Variants in NOL4L observed in about 807,000 individuals in gnomAD.
The protein encoded by NOL4L is nucleolar protein 4-like.
A neutral mutation model predicts 64.5 loss-of-function variants in NOL4L; 7 were observed. That is an observed-to-expected ratio of 0.11 (90% CI 0.06 to 0.20). NOL4L has a LOEUF of 0.20. Among genes scored for constraint, NOL4L ranks in the 10% least tolerant of loss-of-function variants. NOL4L has a pLI of 1.00. For synonymous variants in NOL4L, 413 were observed against 401.0 expected, an observed-to-expected ratio of 1.03 and a Z score of -0.36; for missense variants, 680 against 967.1, an observed-to-expected ratio of 0.70 and a Z score of 3.94.
Position 32,463,974 on chromosome 20 carries a change from G to A in NOL4L, c.842-7579C>T, listed in dbSNP as rs1040213262. Among the ~76,000 whole-genome samples, 2 of 152,296 alleles carry A rather than the reference G, an allele frequency of 1.3e-5. No individual in the cohort carries two copies. Among genetic ancestry groups the A allele is most frequent in the Non-Finnish European group, 1.5e-5 (1 of 68,018 alleles). The stretch of plus-strand genomic sequence containing the variant: ...TCCGTGTCCAGAGGTGTGGCTGCTG[G>A]AGGCAGTGCCGCCTCCATGAGACTC... On this transcript the variant is annotated intron_variant, in intron 5 of 10. Transcript: ENST00000621426. This position sits in a 1 kb window ranked among gnomAD's most constrained non-coding sequence, Gnocchi z 5.8.
At chr20:32,484,076 G>C (rs2015933255) in intron 4 of NOL4L, among the ~76,000 whole-genome samples, 1 of 152,138 alleles carries the variant, frequency 6.6e-6, no homozygotes, top group African/African-American at 2.4e-5. Context: ...GGCTGTCTGC[G>C]GTCAGGCCAG....
At chr20:32,526,748 C>T (rs2018147504) in intron 2 of NOL4L, among the ~76,000 whole-genome samples, 1 of 152,182 alleles carries the variant, frequency 6.6e-6, no homozygotes, top group African/African-American at 2.4e-5. Context: ...TTCTCTGGGT[C>T]CCAGTTTCCT....
intron 4 of NOL4L, among the ~76,000 whole-genome samples, chr20:32,491,299 C>G (rs537189721): frequency 4.7e-4 from 72 of 152,246 alleles, no homozygotes; most frequent in Admixed American, 3.3e-3. Flanking sequence ...TCTGGGAGGG[C>G]TCCACTGAGG....
intron 4 of NOL4L, among the ~76,000 whole-genome samples, chr20:32,479,665 C>T (rs937906627): frequency 6.6e-6 from 1 of 152,220 alleles, no homozygotes; most frequent in African/African-American, 2.4e-5. Flanking sequence ...TTTCTCTAGC[C>T]TCTGCCCTTT....
chr20:32,486,492 C>T (rs1167708251), intron 4 of NOL4L, among the ~76,000 whole-genome samples: 3 of 152,142 alleles, frequency 2.0e-5, no homozygotes, highest in Non-Finnish European at 4.4e-5. Context: ...TTTTAAGCAG[C>T]AAACCCCTTT....
At chr20:32,527,586 G>T (rs1207372353) in intron 2 of NOL4L, among the ~76,000 whole-genome samples, 172 bp downstream of exon 2, 2 of 151,892 alleles carry the variant, frequency 1.3e-5, no homozygotes, top group African/African-American at 4.8e-5. Context: ...CCCTCGCCCT[G>T]TGAGCCATCT....
intron 10 of NOL4L, among the ~76,000 whole-genome samples, chr20:32,448,662 G>C (rs1028049713): frequency 3.3e-5 from 5 of 152,214 alleles, no homozygotes; most frequent in Non-Finnish European, 7.3e-5. Context: ...ATCAGGACAA[G>C]ACTCAGACTC....
chr20:32,464,556 G>A lies in NOL4L; in HGVS notation c.842-8161C>T, dbSNP rs544823748. ...CCTGATTTGCAGCCCCGGGGCGCCA[G>A]TTCCTCTACCCCCACAGCATGCGCC... On this transcript the variant is annotated intron_variant, in intron 5 of 10. Transcript: ENST00000621426. The surrounding 1 kb of genome is among the most constrained non-coding windows in gnomAD (Gnocchi z 5.6). 1.2e-3 allele frequency among the ~76,000 whole-genome samples: 186 copies of A among 152,342 alleles called. 1 individual carries two copies. The highest frequency in any genetic ancestry group is 3.0e-3 in the Admixed American group (46 of 15,306).
intron 3 of NOL4L, 131 bp downstream of exon 3, chr20:32,520,680 C>A (rs1384702924): frequency 1.8e-6 from 1 of 547,762 alleles, no homozygotes; most frequent in Non-Finnish European, 3.3e-6. Context: ...ACCACGGACC[C>A]ATACTGGCCT....
chr20:32,461,487 A>G (rs1163412205), intron 5 of NOL4L, among the ~76,000 whole-genome samples: 3 of 133,494 alleles, frequency 2.2e-5, no homozygotes, highest in Middle Eastern at 4.7e-3. Flanking sequence ...CGGTGGCGTG[A>G]TCTCGGCTCA....
Position 32,581,224 on chromosome 20 carries a change from C to A in NOL4L, c.321+3346G>T, listed in dbSNP as rs1366693830. Among the ~76,000 whole-genome samples, 5 of 152,218 alleles carry A rather than the reference C, an allele frequency of 3.3e-5. No homozygotes were observed. The South Asian group carries it at 1.0e-3, about 32-fold the overall frequency. ...TGACAACCTGCAAACTGGAGGCCAA[C>A]TTGCCTCTCCCCCACGCCCAGGCTT... On this transcript the variant is annotated intron_variant, in intron 1 of 10. Coordinates refer to ENST00000621426, the MANE Select transcript of NOL4L (RefSeq NM_001256798.2).
At chr20:32,561,643 G>A (rs912145095) in intron 1 of NOL4L, among the ~76,000 whole-genome samples, 1 of 152,106 alleles carries the variant, frequency 6.6e-6, no homozygotes, top group African/African-American at 2.4e-5. Flanking sequence ...GCCAGGGTTG[G>A]GCTTGGGGAC....
chr20:32,455,594 AG>A (rs1256043705), intron 6 of NOL4L, among the ~76,000 whole-genome samples: 4 of 152,284 alleles, frequency 2.6e-5, no homozygotes, highest in South Asian at 2.1e-4. Flanking sequence ...CCCAGGAAGC[AG>A]GGGGGATGCC....
intron 4 of NOL4L, among the ~76,000 whole-genome samples, chr20:32,481,622 C>CG (rs1388635177): frequency 6.6e-6 from 1 of 152,174 alleles, no homozygotes; most frequent in Non-Finnish European, 1.5e-5. Flanking sequence ...AGGGTGGTGT[C>CG]GCCCAGCTCA....
intron 4 of NOL4L, among the ~76,000 whole-genome samples, chr20:32,495,860 G>C (rs1202882485): frequency 6.6e-6 from 1 of 152,142 alleles, no homozygotes; most frequent in Non-Finnish European, 1.5e-5. Flanking sequence ...AGGAGGCTGA[G>C]GTGGGAGAAT....
intron 9 of NOL4L, among the ~76,000 whole-genome samples, 167 bp downstream of exon 9, chr20:32,452,717 A>C (rs553347113): frequency 9.9e-5 from 15 of 152,160 alleles, no homozygotes; most frequent in Admixed American, 6.5e-4. Context: ...TCTGAGAACA[A>C]CACACCTGAC....
At chr20:32,534,366 CCA>C (rs1391096594) in intron 1 of NOL4L, among the ~76,000 whole-genome samples, 1 of 152,188 alleles carries the variant, frequency 6.6e-6, no homozygotes, top group Non-Finnish European at 1.5e-5. Flanking sequence ...TCTTTGGCTA[CCA>C]CGTGGGAGGG....
intron 5 of NOL4L, among the ~76,000 whole-genome samples, chr20:32,468,795 A>G (rs551340679): frequency 4.0e-5 from 6 of 150,228 alleles, no homozygotes; most frequent in African/African-American, 9.8e-5. Flanking sequence ...GCTACTCGGG[A>G]GGCTGAGGCA....
chr20:32,475,701 C>CA (rs1377036607), intron 4 of NOL4L, among the ~76,000 whole-genome samples: 1 of 152,192 alleles, frequency 6.6e-6, no homozygotes, highest in African/African-American at 2.4e-5. Flanking sequence ...GGCCTCCCCC[C>CA]AGCAAGACAC....
Sources: allele counts gnomAD v4.1 joint callset (sites outside exome capture counted in the v4.1 genomes callset), GRCh38; gene constraint gnomAD v4.1.1; non-coding constraint Gnocchi (gnomAD v3.1); transcripts MANE v1.5; gene names NCBI Gene and HGNC (gene_info 2026-07-23, HGNC 2026-07-21).